The following ALDH1A2 variants were observed in gnomAD, a reference collection of about 807,000 sequenced individuals.
ALDH1A2 encodes the protein retinal dehydrogenase 2.
Under a neutral mutation model 60.3 loss-of-function variants are expected in ALDH1A2, and 27 were observed. That is an observed-to-expected ratio of 0.45 (90% confidence interval 0.33 to 0.62). ALDH1A2 has a LOEUF of 0.62. ALDH1A2 is among the 20% of genes least tolerant of loss of function. The probability of loss-of-function intolerance (pLI) is 0.02; values close to 1 mark genes in which losing one functional copy is unlikely to be tolerated. For synonymous variants in ALDH1A2, 289 were observed against 232.4 expected (o/e 1.24, Z -2.21); for missense variants, 581 against 643.8 (o/e 0.90, Z 1.06).
chr15:57,971,773 T>C (rs1894074206), intron 7 of ALDH1A2, among the ~76,000 whole-genome samples: 1 of 151,988 alleles, frequency 6.6e-6, no homozygotes, highest in Non-Finnish European at 1.5e-5. Flanking sequence ...GAAAATTGCT[T>C]GAGAGCAGTG....
intron 1 of ALDH1A2, among the ~76,000 whole-genome samples, chr15:58,019,261 A>C (rs1296793018): frequency 6.6e-6 from 1 of 152,084 alleles, no homozygotes; most frequent in Non-Finnish European, 1.5e-5. Flanking sequence ...CAACATCTTC[A>C]CAAGAGTTTC....
intron 4 of ALDH1A2, among the ~76,000 whole-genome samples, chr15:57,998,211 C>A (rs1162260590): frequency 6.6e-6 from 1 of 151,844 alleles, no homozygotes; most frequent in Non-Finnish European, 1.5e-5. Flanking sequence ...CTTTCTCAGG[C>A]AAGAGAAAGA....
intron 12 of ALDH1A2, among the ~76,000 whole-genome samples, chr15:57,957,813 T>C (rs1433970908): frequency 1.3e-5 from 2 of 152,200 alleles, no homozygotes; most frequent in African/African-American, 4.8e-5. Context: ...AGGGTATATA[T>C]TTTCCTGCTC....
chr15:57,960,339 C>T (rs1256875502), intron 12 of ALDH1A2, among the ~76,000 whole-genome samples: 1 of 152,126 alleles, frequency 6.6e-6, no homozygotes, highest in Non-Finnish European at 1.5e-5. Context: ...AACATGTTTC[C>T]TCTGTGAGTC....
intron 7 of ALDH1A2, among the ~76,000 whole-genome samples, chr15:57,984,301 A>G (rs575404923): frequency 2.6e-5 from 4 of 152,248 alleles, no homozygotes; most frequent in African/African-American, 7.2e-5. Flanking sequence ...TGCTAAATCA[A>G]TGTTGGCTAT....
At chr15:58,030,759 CATT>C (rs1199618088) in intron 1 of ALDH1A2, among the ~76,000 whole-genome samples, 3 of 152,046 alleles carry the variant, frequency 2.0e-5, no homozygotes, top group Non-Finnish European at 2.9e-5. Flanking sequence ...AGAGCCAAAT[CATT>C]AGTGAACTTC....
intron 7 of ALDH1A2, 98 bp from the exon 8 acceptor site, chr15:57,965,925 C>T (rs1893882848): frequency 1.1e-6 from 1 of 933,430 alleles, no homozygotes; most frequent in African/African-American, 1.6e-5. Flanking sequence ...GCAACAGTAA[C>T]AAACCCTAAA....
intron 1 of ALDH1A2, among the ~76,000 whole-genome samples, chr15:58,045,890 T>G (rs144000644): frequency 1.3e-5 from 2 of 152,138 alleles, no homozygotes; most frequent in Non-Finnish European, 2.9e-5. Context: ...CTAAGGGAAT[T>G]AAAATAAAAA....
intron 4 of ALDH1A2, among the ~76,000 whole-genome samples, chr15:58,003,165 C>G (rs1472732449): frequency 6.6e-6 from 1 of 151,816 alleles, no homozygotes; most frequent in Non-Finnish European, 1.5e-5. Context: ...CCTTAGGGAT[C>G]CCTGAGGCCC....
chr15:58,052,664 G>T (rs116049307), intron 1 of ALDH1A2, among the ~76,000 whole-genome samples: 1 of 152,070 alleles, frequency 6.6e-6, no homozygotes, highest in East Asian at 1.9e-4. Context: ...TTGTTCATTC[G>T]CTAATTCAAT....
intron 7 of ALDH1A2, among the ~76,000 whole-genome samples, chr15:57,979,106 G>A (rs1306009864): frequency 6.6e-6 from 1 of 152,028 alleles, no homozygotes; most frequent in Non-Finnish European, 1.5e-5. Context: ...CCACTTCCTT[G>A]TACAGGCCTC....
intron 4 of ALDH1A2, among the ~76,000 whole-genome samples, chr15:58,010,116 G>A (rs750962158): frequency 8.5e-5 from 13 of 152,132 alleles, no homozygotes; most frequent in Non-Finnish European, 1.6e-4. Context: ...GATTAGTGTT[G>A]TTTGTATAGA....
chr15:57,987,429 A>G (rs1490415904), intron 7 of ALDH1A2, among the ~76,000 whole-genome samples: 2 of 152,252 alleles, frequency 1.3e-5, no homozygotes, highest in Admixed American at 6.5e-5. Context: ...AAGAAACATT[A>G]CTTACCGTAA....
intron 1 of ALDH1A2, among the ~76,000 whole-genome samples, chr15:58,030,835 G>A (rs894585688): frequency 6.6e-6 from 1 of 152,020 alleles, no homozygotes; most frequent in Non-Finnish European, 1.5e-5. Context: ...GGATGTGAAG[G>A]ACCTCTTCAA....
chr15:57,971,394 C>G (rs530216826), intron 7 of ALDH1A2, among the ~76,000 whole-genome samples: 1 of 152,240 alleles, frequency 6.6e-6, no homozygotes, highest in African/African-American at 2.4e-5. Context: ...GCTGTCTCCC[C>G]GACTACAATG....
At chr15:58,040,494 T>C (rs1328677975) in intron 1 of ALDH1A2, among the ~76,000 whole-genome samples, 6 of 151,902 alleles carry the variant, frequency 3.9e-5, no homozygotes, top group African/African-American at 1.4e-4. Context: ...CACCATTTCA[T>C]TTCATCTAGA....
intron 4 of ALDH1A2, among the ~76,000 whole-genome samples, chr15:58,000,783 G>A (rs944735237): frequency 4.6e-5 from 7 of 151,808 alleles, no homozygotes; most frequent in Non-Finnish European, 8.8e-5. Context: ...TCTAGGATGG[G>A]ACCAGAGAGT....
In ALDH1A2 at chr15:58,022,282, G is replaced by A. The variant is rs186285483; in HGVS notation, c.118-8001C>T. Among the ~76,000 whole-genome samples the A allele has an allele frequency of 3.1e-3, 474 of 152,140 alleles. 3 individuals are homozygous for A. Among genetic ancestry groups the A allele is most frequent in the African/African-American group, 0.011 (449 of 41,498 alleles). On this transcript the variant is annotated intron_variant, in intron 1 of 12. Transcript: ENST00000249750. The stretch of plus-strand genomic sequence containing the variant: ...ACCACCTTGGGTACCTGAACATTCC[G>A]TACAGGGTACTGAGGTTGGGCCTAA...
intron 1 of ALDH1A2, among the ~76,000 whole-genome samples, chr15:58,044,505 CA>C (rs1469922412): frequency 2.6e-5 from 4 of 151,916 alleles, no homozygotes; most frequent in African/African-American, 9.7e-5. Flanking sequence ...ACACAGGTGC[CA>C]GTAAAATAAT....
Sources: gnomAD v4.1 joint callset for allele counts (sites outside exome capture counted in the v4.1 genomes callset) on GRCh38, gnomAD v4.1.1 for gene constraint, MANE v1.5 for transcripts, NCBI Gene and HGNC (gene_info 2026-07-23, HGNC 2026-07-21) for gene names.